The following PACS2 variants were observed in gnomAD, a reference collection of about 807,000 sequenced individuals.
PACS2 encodes the protein PACS1-like protein.
Under a neutral mutation model 113.0 loss-of-function variants are expected in PACS2, and 36 were observed. The observed-to-expected ratio is 0.32, with a 90% confidence interval of 0.24 to 0.42. The LOEUF is 0.42. PACS2 is among the 10% of genes least tolerant of loss of function. The probability of loss-of-function intolerance (pLI) is 1.00; values close to 1 mark genes in which losing one functional copy is unlikely to be tolerated. For missense variants in PACS2, 1,015 were observed against 1,239.5 expected, an observed-to-expected ratio of 0.82 and a Z score of 2.72; for synonymous variants, 589 against 536.1, an observed-to-expected ratio of 1.10 and a Z score of -1.36.
At chr14:105,301,926 G>A (rs1436271412) in intron 1 of PACS2, among the ~76,000 whole-genome samples, 1 of 152,150 alleles carries the variant, frequency 6.6e-6, no homozygotes, top group East Asian at 1.9e-4. Flanking sequence ...CACGTAAGGT[G>A]AGGAGTTCGA....
In PACS2 at chr14:105,394,554, T is replaced by A; in HGVS notation, c.2597T>A (p.Val866Asp). Reference sequence around the variant, plus strand: ...GCGGTCAGGCAGCCCTCTCCCACAGTCCTCATCGACGGCGTGGAGTGCAGC... The same window carrying A: ...GCGGTCAGGCAGCCCTCTCCCACAGACCTCATCGACGGCGTGGAGTGCAGC... The part of the protein sequence containing the change: ...TARQQQNMLR[V>D]LIDGVECSDV... The change falls in exon 25 of 25, where the codon GTC becomes GAC. Residue 866 changes from valine to aspartate, a missense_variant and splice_region_variant. Coordinates refer to ENST00000447393, the MANE Select transcript of PACS2 (RefSeq NM_001100913.3). 6.2e-7 allele frequency: 1 copy of A among 1,612,454 alleles called. No homozygotes were observed. Among genetic ancestry groups the A allele is most frequent in the Non-Finnish European group, 8.5e-7 (1 of 1,179,674 alleles).
At chr14:105,322,329 A>G (rs1301698696) in intron 1 of PACS2, among the ~76,000 whole-genome samples, 2 of 151,586 alleles carry the variant, frequency 1.3e-5, no homozygotes, top group African/African-American at 4.9e-5. Flanking sequence ...CAGTGGCGCA[A>G]TCTTGGCTCA....
chr14:105,338,275 C>T (rs587682484), intron 1 of PACS2, among the ~76,000 whole-genome samples: 4 of 152,280 alleles, frequency 2.6e-5, no homozygotes, highest in South Asian at 2.1e-4. Flanking sequence ...ATGCAGGGCA[C>T]GCACGTGGGG....
chr14:105,383,731 T>C (rs1384703453), intron 16 of PACS2: 3 of 543,442 alleles, frequency 5.5e-6, no homozygotes, highest in Admixed American at 3.7e-5. Context: ...TAATTTTAAT[T>C]ATATGCAAGA....
At chr14:105,381,317 G>GT (rs2080986844) in intron 12 of PACS2, among the ~76,000 whole-genome samples, 1 of 152,172 alleles carries the variant, frequency 6.6e-6, no homozygotes, top group African/African-American at 2.4e-5. Context: ...CACCCTACCT[G>GT]TTTGAGGGCA....
In PACS2 at chr14:105,357,735, A is replaced by T. The variant is rs587689225; in HGVS notation, c.423+2558A>T. Among the ~76,000 whole-genome samples the T allele has an allele frequency of 6.6e-6, 1 of 152,298 alleles. No individual in the cohort carries two copies. Among genetic ancestry groups the T allele is most frequent in the South Asian group, 2.1e-4 (1 of 4,828 alleles). ...TGGGGGGCTCTCACCAGCTGGGCTC[A>T]GGCAGCTGTGCCATGGGGGCTTGCT... On this transcript the variant is annotated intron_variant, in intron 4 of 24. Coordinates refer to ENST00000447393, the MANE Select transcript of PACS2 (RefSeq NM_001100913.3). This position sits in a 1 kb window ranked among gnomAD's most constrained non-coding sequence, Gnocchi z 5.1.
intron 8 of PACS2, 173 bp downstream of exon 8, chr14:105,370,073 G>T: frequency 1.7e-6 from 1 of 593,252 alleles, no homozygotes; most frequent in South Asian, 2.1e-5. Flanking sequence ...ACTGCCTCCC[G>T]GGCTCCAGGT....
chr14:105,395,178 C>T lies in PACS2; in HGVS notation c.*506C>T, dbSNP rs930016780. 1.3e-5 allele frequency: 2 copies of T among 153,838 alleles called. No homozygotes were observed. The highest frequency in any genetic ancestry group is 2.4e-5 in the African/African-American group (1 of 41,506). The allele number at this position is 153,838 out of a possible 1,614,324, so 9.5% of individuals were successfully genotyped here. On this transcript the variant is annotated 3_prime_UTR_variant, in exon 25 of 25. Transcript: ENST00000447393. ...CCGCACACTCGTGGTTCCCAATAAA[C>T]TCCTGCCTGCGGCGGAGGTTTTATA...
chr14:105,362,975 ACCAGGTCAT>A (rs2060789725), intron 4 of PACS2, among the ~76,000 whole-genome samples: 2 of 152,240 alleles, frequency 1.3e-5, no homozygotes, highest in African/African-American at 4.8e-5. Context: ...CTCTTGGGTG[ACCAGGTCAT>A]GTCAATGAGC....
chr14:105,302,247 A>G (rs1419362031), intron 1 of PACS2, among the ~76,000 whole-genome samples: 4 of 132,868 alleles, frequency 3.0e-5, no homozygotes, highest in Non-Finnish European at 6.2e-5. Context: ...TCTGTTGCCC[A>G]GGCTGGAGTG....
At chr14:105,327,002 C>G (rs777149286) in intron 1 of PACS2, among the ~76,000 whole-genome samples, 2 of 152,216 alleles carry the variant, frequency 1.3e-5, no homozygotes, top group African/African-American at 2.4e-5. Context: ...TCACTACACC[C>G]GAATCGACGC....
At position 105,323,227 on chromosome 14, in the gene PACS2, C is replaced by T. The variant is rs1289019808; in HGVS notation, c.119+8190C>T. ...AAGCTCTCAGCCACTTTTTCTTCTG[C>T]TGTTGGTTCTGCGCTATTCTCTCTC... On this transcript the variant is annotated intron_variant, in intron 1 of 24. Coordinates refer to ENST00000447393, the MANE Select transcript of PACS2 (RefSeq NM_001100913.3). The surrounding 1 kb of genome is among the most constrained non-coding windows in gnomAD (Gnocchi z 4.1). Among the ~76,000 whole-genome samples the T allele has an allele frequency of 6.6e-6, 1 of 152,204 alleles. No individual in the cohort carries two copies. The highest frequency in any genetic ancestry group is 2.4e-5 in the African/African-American group (1 of 41,444).
upstream of PACS2, among the ~76,000 whole-genome samples, chr14:105,311,154 A>G (rs927870279): frequency 1.9e-4 from 29 of 152,130 alleles, no homozygotes; most frequent in Admixed American, 1.4e-3. Flanking sequence ...GGGTTTCACT[A>G]TGTTGGCCAG....
intron 1 of PACS2, among the ~76,000 whole-genome samples, chr14:105,307,324 C>T (rs587694059): frequency 6.6e-6 from 1 of 152,284 alleles, no homozygotes; most frequent in South Asian, 2.1e-4. Flanking sequence ...GGCCAGGTAC[C>T]AGCTAGCTAG....
intron 1 of PACS2, among the ~76,000 whole-genome samples, chr14:105,302,402 C>A (rs1331144491): frequency 6.6e-6 from 1 of 151,332 alleles, no homozygotes; most frequent in Non-Finnish European, 1.5e-5. Flanking sequence ...GGGGTTTCTC[C>A]ATGTTGGTCA....
upstream of PACS2, chr14:105,314,471 G>A (rs1189130713): frequency 6.7e-6 from 1 of 149,702 alleles, no homozygotes; most frequent in Non-Finnish European, 1.5e-5. Flanking sequence ...GGCGGGGCGG[G>A]GCGCCCCGGG....
intron 7 of PACS2, among the ~76,000 whole-genome samples, chr14:105,369,366 G>T (rs1555408757): frequency 2.0e-5 from 3 of 152,202 alleles, no homozygotes; most frequent in Non-Finnish European, 1.5e-5. Flanking sequence ...CCCCGAGAGG[G>T]TGGCTGAGGG....
Position 105,324,947 on chromosome 14 carries a change from C to T in PACS2, c.119+9910C>T, listed in dbSNP as rs1166424369. On this transcript the variant is annotated intron_variant, in intron 1 of 24. Coordinates refer to ENST00000447393, the MANE Select transcript of PACS2 (RefSeq NM_001100913.3). The surrounding 1 kb of genome is among the most constrained non-coding windows in gnomAD (Gnocchi z 4.7). ...GACACTGGGGAAGGGGTGGGTCTGCCCTTCCTGCTGGGGGTGCACACGGGC... is the reference window on the plus strand; with the variant it reads ...GACACTGGGGAAGGGGTGGGTCTGCTCTTCCTGCTGGGGGTGCACACGGGC... Among the ~76,000 whole-genome samples the T allele has an allele frequency of 6.6e-6, 1 of 151,998 alleles. No individual in the cohort carries two copies. Among genetic ancestry groups the T allele is most frequent in the African/African-American group, 2.4e-5 (1 of 41,362 alleles).
At chr14:105,349,610 A>G (rs1457445783) in intron 2 of PACS2, among the ~76,000 whole-genome samples, 3 of 152,258 alleles carry the variant, frequency 2.0e-5, no homozygotes, top group African/African-American at 7.2e-5. Flanking sequence ...GAGTGCGAGG[A>G]GGCCTGAGGC....
Sources: gnomAD v4.1 joint callset for allele counts (sites outside exome capture counted in the v4.1 genomes callset) on GRCh38, gnomAD v4.1.1 for gene constraint, Gnocchi (gnomAD v3.1) non-coding constraint, MANE v1.5 for transcripts, NCBI Gene and HGNC (gene_info 2026-07-23, HGNC 2026-07-21) for gene names.